The following TMPRSS11A variants were observed in gnomAD, a reference collection of about 807,000 sequenced individuals.
The protein encoded by TMPRSS11A is transmembrane protease serine 11A.
A neutral mutation model predicts 58.9 loss-of-function variants in TMPRSS11A; 53 were observed. The observed-to-expected ratio is 0.90, with a 90% CI of 0.72 to 1.13. The LOEUF is 1.13. TMPRSS11A is among the 50% of genes most tolerant of loss of function. TMPRSS11A has a pLI of 0.00. For missense variants in TMPRSS11A, 493 were observed against 499.3 expected, an observed-to-expected ratio of 0.99 and a Z score of 0.12; for synonymous variants, 167 against 169.8, an observed-to-expected ratio of 0.98 and a Z score of 0.13.
chr4:67,939,592 G>A (rs539964628), intron 3 of TMPRSS11A, among the ~76,000 whole-genome samples: 6 of 151,988 alleles, frequency 3.9e-5, no homozygotes, highest in Non-Finnish European at 5.9e-5. Flanking sequence ...ATGTTTCTTC[G>A]ATGCCTAGTC....
intron 3 of TMPRSS11A, among the ~76,000 whole-genome samples, chr4:67,941,054 TGA>T (rs1013456862): frequency 2.6e-5 from 4 of 152,086 alleles, no homozygotes; most frequent in Non-Finnish European, 4.4e-5. Context: ...AAGAATGATA[TGA>T]GAGATGAGAT....
At chr4:67,936,225 C>T (rs887685184) in intron 3 of TMPRSS11A, among the ~76,000 whole-genome samples, 9 of 152,064 alleles carry the variant, frequency 5.9e-5, no homozygotes, top group African/African-American at 2.2e-4. Context: ...TTGCACCCCT[C>T]TCCAAAGGCA....
chr4:67,961,906 C>A (rs925164462), intron 1 of TMPRSS11A, among the ~76,000 whole-genome samples: 1 of 152,082 alleles, frequency 6.6e-6, no homozygotes, highest in South Asian at 2.1e-4. Context: ...GCTGCAAACA[C>A]TCCTATAAAT....
At chr4:67,944,734 G>A in intron 2 of TMPRSS11A, 97 bp from the exon 3 acceptor site, 3 of 930,992 alleles carry the variant, frequency 3.2e-6, no homozygotes, top group Non-Finnish European at 3.2e-6. Context: ...ATATGTCCCT[G>A]AGCCTCTTCA....
intron 3 of TMPRSS11A, among the ~76,000 whole-genome samples, chr4:67,935,514 A>T (rs1046165618): frequency 6.6e-6 from 1 of 152,128 alleles, no homozygotes; most frequent in Middle Eastern, 3.2e-3. Flanking sequence ...AACATATATT[A>T]TATATTTATG....
At chr4:67,952,997 G>C (rs529246090) in intron 1 of TMPRSS11A, among the ~76,000 whole-genome samples, 1 of 152,152 alleles carries the variant, frequency 6.6e-6, no homozygotes, top group East Asian at 1.9e-4. Flanking sequence ...GGTAGGGGGG[G>C]TGGTTTGGTA....
At chr4:67,913,219 C>T (rs1720037811) in intron 9 of TMPRSS11A, among the ~76,000 whole-genome samples, 1 of 152,078 alleles carries the variant, frequency 6.6e-6, no homozygotes, top group Non-Finnish European at 1.5e-5. Context: ...GTTGGGGAAA[C>T]TTAATCTCCA....
At position 67,919,167 on chromosome 4, in the gene TMPRSS11A, C is replaced by A. The variant is rs138567771; in HGVS notation, c.758G>T (p.Arg253Ile). The change falls in exon 8 of 10, where the codon AGA becomes ATA. Residue 253 changes from arginine to isoleucine, a missense_variant. By Grantham distance (97) the Arg-to-Ile change is moderately conservative. Transcript: ENST00000508048. ...ATGGATAATAAATCTTCTGACATTT[C>A]TTTTCATTAAGGGAGGGTTGATTTT... ...GTKINPPLMK[R>I]NVRRFIIHEK... The A allele has an allele frequency of 1.6e-3, 2,577 of 1,614,124 alleles. 52 individuals carry two copies. In the Admixed American group the frequency reaches 0.031, roughly 20 times the overall value.
At chr4:67,934,212 C>G (rs1414856722) in intron 3 of TMPRSS11A, among the ~76,000 whole-genome samples, 1 of 152,042 alleles carries the variant, frequency 6.6e-6, no homozygotes, top group African/African-American at 2.4e-5. Flanking sequence ...AGTCTGAGGA[C>G]AACGCTTTGA....
At chr4:67,948,147 CTTTT>C (rs10577639) in intron 1 of TMPRSS11A, among the ~76,000 whole-genome samples, 5 of 98,282 alleles carry the variant, frequency 5.1e-5, no homozygotes, top group Non-Finnish European at 8.1e-5. Context: ...CAGTTTTTTT[CTTTT>C]TTTTTTTTTT....
chr4:67,942,788 C>T (rs527980666), intron 3 of TMPRSS11A, among the ~76,000 whole-genome samples: 1 of 152,190 alleles, frequency 6.6e-6, no homozygotes, highest in East Asian at 1.9e-4. Flanking sequence ...TGTGGCATTT[C>T]TTGGCATGAC....
rs1720660213 is a variant in TMPRSS11A at position 67,932,713 on chromosome 4, G to C, written c.253-653C>G. Among the ~76,000 whole-genome samples the C allele has an allele frequency of 2.0e-5, 3 of 152,202 alleles. No homozygotes were observed. In the South Asian group the frequency reaches 6.2e-4, roughly 32 times the overall value. On this transcript the variant is annotated intron_variant, in intron 3 of 9. Coordinates refer to ENST00000508048, the MANE Select transcript of TMPRSS11A (RefSeq NM_001114387.2). ...GGTCTTTGCTTGTAAGGTGTAAGGA[G>C]GAGGCATTAGGGATTTAAGAGAGAG...
chr4:67,922,347 T>G (rs1720354079), intron 7 of TMPRSS11A, among the ~76,000 whole-genome samples: 1 of 152,210 alleles, frequency 6.6e-6, no homozygotes. Flanking sequence ...CCATTTTACT[T>G]TGGAATTAGT....
At chr4:67,938,882 G>A (rs563858781) in intron 3 of TMPRSS11A, among the ~76,000 whole-genome samples, 62 of 147,352 alleles carry the variant, frequency 4.2e-4, no homozygotes, top group African/African-American at 1.5e-3. Context: ...GGAGTCCTTT[G>A]GCTATTGGGG....
chr4:67,930,369 T>C (rs975697969), intron 4 of TMPRSS11A, among the ~76,000 whole-genome samples: 2 of 152,348 alleles, frequency 1.3e-5, no homozygotes, highest in East Asian at 1.9e-4. Flanking sequence ...ATTTGATACC[T>C]GAATCACTTC....
rs1180928745 is a variant in TMPRSS11A at position 67,944,649 on chromosome 4, A to C, written c.134-12T>G. ...CTCCTTTTTTTGGTCTGCAATGGAAATGAAAAATAGGAAACTAAATGGTTT... is the reference window on the plus strand; with the variant it reads ...CTCCTTTTTTTGGTCTGCAATGGAACTGAAAAATAGGAAACTAAATGGTTT... On this transcript the variant is annotated splice_polypyrimidine_tract_variant and intron_variant, in intron 2 of 9. Coordinates refer to ENST00000508048, the MANE Select transcript of TMPRSS11A (RefSeq NM_001114387.2). 3.1e-6 allele frequency: 5 copies of C among 1,604,010 alleles called. No individual in the cohort carries two copies. The highest frequency in any genetic ancestry group is 3.5e-5 in the Admixed American group (2 of 57,930).
intron 8 of TMPRSS11A, among the ~76,000 whole-genome samples, chr4:67,916,104 T>C (rs936873712): frequency 2.6e-5 from 4 of 152,150 alleles, no homozygotes; most frequent in African/African-American, 9.7e-5. Context: ...ATCGTATTCT[T>C]GAGAAACGCT....
chr4:67,929,383 A>C (rs1720552842), intron 5 of TMPRSS11A, among the ~76,000 whole-genome samples: 1 of 152,270 alleles, frequency 6.6e-6, no homozygotes, highest in African/African-American at 2.4e-5. Context: ...TGATTTTTAA[A>C]GCATTAATGG....
intron 3 of TMPRSS11A, among the ~76,000 whole-genome samples, chr4:67,941,274 C>T (rs1449990472): frequency 6.6e-6 from 1 of 152,114 alleles, no homozygotes; most frequent in South Asian, 2.1e-4. Context: ...TGGGATTTAG[C>T]AACAACAAAC....
Sources: gnomAD v4.1 joint callset for allele counts (sites outside exome capture counted in the v4.1 genomes callset) on GRCh38, gnomAD v4.1.1 for gene constraint, MANE v1.5 for transcripts, NCBI Gene and HGNC (gene_info 2026-07-23, HGNC 2026-07-21) for gene names.